Variants in SORBS2 observed in about 807,000 individuals in gnomAD.
SORBS2 encodes the protein sorbin and SH3 domain-containing protein 2.
In SORBS2, 46 loss-of-function variants were observed where a neutral mutation model predicts 97.7. The observed-to-expected ratio is 0.47, with a 90% CI of 0.37 to 0.60. The LOEUF (loss-of-function observed/expected upper bound fraction) is 0.60. SORBS2 is among the 20% of genes least tolerant of loss of function. The pLI is 0.00. For missense variants in SORBS2, 1,316 were observed against 1,282.3 expected, an observed-to-expected ratio of 1.03 and a Z score of -0.40; for synonymous variants, 476 against 473.4, an observed-to-expected ratio of 1.01 and a Z score of -0.07.
At chr4:185,731,832 T>TTCTCTCTCTCTCTCTC (rs1201714307) in intron 2 of SORBS2, among the ~76,000 whole-genome samples, 2 of 33,286 alleles carry the variant, frequency 6.0e-5, no homozygotes, top group African/African-American at 1.2e-4. Context: ...GTCTCTCTCT[T>TTCTCTCTCTCTCTCTC]TCTCTCTCTC....
chr4:185,885,606 G>C (rs556123556), intron 1 of SORBS2, among the ~76,000 whole-genome samples: 2 of 152,206 alleles, frequency 1.3e-5, no homozygotes, highest in Non-Finnish European at 2.9e-5. Flanking sequence ...AAACTCAAAT[G>C]ATAAAAGGAT....
chr4:185,785,821 T>C (rs537566400), intron 1 of SORBS2, among the ~76,000 whole-genome samples: 1 of 152,340 alleles, frequency 6.6e-6, no homozygotes, highest in East Asian at 1.9e-4. Flanking sequence ...TTTCTGGTAC[T>C]TCCTCGAATT....
intron 1 of SORBS2, among the ~76,000 whole-genome samples, chr4:185,903,573 T>TC (rs951189368): frequency 1.3e-5 from 2 of 151,964 alleles, no homozygotes; most frequent in African/African-American, 4.8e-5. Context: ...TGTCTAGCTC[T>TC]CCCCCCTGCC....
At chr4:185,638,034 A>G in intron 4 of SORBS2, 45 bp downstream of exon 15, 1 of 1,138,392 alleles carries the variant, frequency 8.8e-7, no homozygotes, top group Non-Finnish European at 1.3e-6. Context: ...GAAATCAAAC[A>G]GTATACTCCT....
chr4:185,647,603 A>G (rs530713552), intron 3 of SORBS2, among the ~76,000 whole-genome samples: 89 of 152,156 alleles, frequency 5.8e-4, no homozygotes, highest in Non-Finnish European at 7.4e-4. Flanking sequence ...TTCTGCTTCC[A>G]TGGAATGGAA....
chr4:185,633,766 T>A (rs2096946556), intron 4 of SORBS2, among the ~76,000 whole-genome samples: 1 of 150,930 alleles, frequency 6.6e-6, no homozygotes, highest in Non-Finnish European at 1.5e-5. Flanking sequence ...TTTGGACTTA[T>A]TTCTTAAAAT....
At chr4:185,620,260 A>T (rs1365771430) in intron 7 of SORBS2, 109 bp from the exon 20 acceptor site, 3 of 755,534 alleles carry the variant, frequency 4.0e-6, no homozygotes, top group Non-Finnish European at 4.8e-6. Context: ...ATTTGGAGAG[A>T]CACCGTTATC....
chr4:185,844,210 G>T (rs555387903), intron 1 of SORBS2, among the ~76,000 whole-genome samples: 27 of 152,272 alleles, frequency 1.8e-4, no homozygotes, highest in African/African-American at 6.5e-4. Flanking sequence ...GATTAACTTG[G>T]AATGGGTCAT....
chr4:185,904,803 C>T (rs747231876), intron 1 of SORBS2, among the ~76,000 whole-genome samples: 1 of 152,128 alleles, frequency 6.6e-6, no homozygotes, highest in Non-Finnish European at 1.5e-5. Flanking sequence ...GTGCAACTAC[C>T]TCCAAGGGTA....
chr4:185,717,209 G>A (rs764196293), intron 2 of SORBS2, among the ~76,000 whole-genome samples: 3 of 152,228 alleles, frequency 2.0e-5, no homozygotes, highest in African/African-American at 4.8e-5. Context: ...TTCCCCGGGA[G>A]CGACCTTCAG....
intron 1 of SORBS2, among the ~76,000 whole-genome samples, chr4:185,931,936 T>C (rs2149968838): frequency 6.6e-6 from 1 of 151,868 alleles, no homozygotes; most frequent in African/African-American, 2.4e-5. Context: ...AAAAGAATTC[T>C]TATATGAGAT....
chr4:185,749,742 A>T (rs2098788253), intron 2 of SORBS2, among the ~76,000 whole-genome samples: 1 of 152,258 alleles, frequency 6.6e-6, no homozygotes, highest in African/African-American at 2.4e-5. Context: ...TATGGATCTA[A>T]TGAAATAGTT....
chr4:185,598,082 A>G (rs2096158128), intron 12 of SORBS2, among the ~76,000 whole-genome samples: 2 of 152,212 alleles, frequency 1.3e-5, no homozygotes, highest in Admixed American at 1.3e-4. Flanking sequence ...TAAATATAGA[A>G]CAATATACAC....
chr4:185,886,461 A>AAG (rs2099239554), intron 1 of SORBS2, among the ~76,000 whole-genome samples: 1 of 149,564 alleles, frequency 6.7e-6, no homozygotes, highest in Non-Finnish European at 1.5e-5. Context: ...AGGCTGAGGC[A>AAG]GGAAAATTGC....
intron 12 of SORBS2, among the ~76,000 whole-genome samples, chr4:185,605,567 G>A (rs1200669633): frequency 6.6e-6 from 1 of 151,994 alleles, no homozygotes; most frequent in African/African-American, 2.4e-5. Flanking sequence ...ACAGGCGTAA[G>A]CCACCGCAGC....
At chr4:185,714,193 T>C (rs1272602315) in intron 2 of SORBS2, among the ~76,000 whole-genome samples, 1 of 152,256 alleles carries the variant, frequency 6.6e-6, no homozygotes, top group Non-Finnish European at 1.5e-5. Flanking sequence ...TACATTTGCA[T>C]TTTAACAGAT....
intron 2 of SORBS2, among the ~76,000 whole-genome samples, chr4:185,725,927 GT>G (rs535093857): frequency 5.3e-5 from 8 of 151,172 alleles, no homozygotes; most frequent in East Asian, 3.9e-4. Context: ...TTCCTTCTCA[GT>G]TTTTTTTTGT....
chr4:185,697,363 A>G (rs532955783), intron 2 of SORBS2, among the ~76,000 whole-genome samples: 5 of 152,266 alleles, frequency 3.3e-5, no homozygotes, highest in South Asian at 2.1e-4. Flanking sequence ...CCGTCTCCCA[A>G]TTGTCCCACA....
intron 1 of SORBS2, among the ~76,000 whole-genome samples, chr4:185,836,758 T>C (rs116621265): frequency 1.7e-3 from 256 of 152,340 alleles, no homozygotes; most frequent in African/African-American, 5.9e-3. Flanking sequence ...ATACCTCTTG[T>C]CCACATTATT....
Sources: allele counts gnomAD v4.1 joint callset (sites outside exome capture counted in the v4.1 genomes callset), GRCh38; gene constraint gnomAD v4.1.1; transcripts MANE v1.5; gene names NCBI Gene and HGNC (gene_info 2026-07-23, HGNC 2026-07-21).